The following SIK3 variants were observed in gnomAD, a reference collection of about 807,000 sequenced individuals.
SIK3 encodes the protein SIK family kinase 3.
A neutral mutation model predicts 144.2 loss-of-function variants in SIK3; 28 were observed. The observed-to-expected ratio is 0.19, with a 90% CI of 0.14 to 0.27. SIK3 has a LOEUF of 0.27. Ranked by LOEUF, SIK3 falls within the 10% of genes least tolerant of loss-of-function variation. The pLI is 1.00. For synonymous variants in SIK3, 686 were observed against 676.3 expected, an observed-to-expected ratio of 1.01 and a Z score of -0.22; for missense variants, 1,319 against 1,776.0, an observed-to-expected ratio of 0.74 and a Z score of 4.62.
chr11:117,095,147 A>T (rs1955418266), intron 1 of SIK3, among the ~76,000 whole-genome samples: 1 of 143,858 alleles, frequency 7.0e-6, no homozygotes, highest in Non-Finnish European at 1.5e-5. Context: ...TCAATAAATG[A>T]GGTTTACTTT....
intron 1 of SIK3, among the ~76,000 whole-genome samples, chr11:116,961,430 T>TA (rs993008693): frequency 1.3e-5 from 2 of 152,172 alleles, no homozygotes; most frequent in African/African-American, 4.8e-5. Flanking sequence ...TCTAAACAGA[T>TA]AAATGAGTAT....
intron 3 of SIK3, among the ~76,000 whole-genome samples, chr11:116,945,747 G>C (rs907590782): frequency 6.6e-6 from 1 of 151,998 alleles, no homozygotes. Flanking sequence ...ATTGAGCATT[G>C]GTGGTAGGGG....
At chr11:116,956,448 C>T (rs1423944902) in intron 2 of SIK3, among the ~76,000 whole-genome samples, 2 of 151,890 alleles carry the variant, frequency 1.3e-5, no homozygotes, top group Non-Finnish European at 2.9e-5. Flanking sequence ...GTCTACAATC[C>T]TATTAGAATA....
intron 1 of SIK3, among the ~76,000 whole-genome samples, chr11:116,959,597 C>T (rs1949268693): frequency 6.6e-6 from 1 of 152,136 alleles, no homozygotes; most frequent in Non-Finnish European, 1.5e-5. Context: ...TGCATTCTTT[C>T]ACCTCCAAGA....
chr11:116,990,619 CA>C (rs1472094753), intron 1 of SIK3, among the ~76,000 whole-genome samples: 1 of 152,170 alleles, frequency 6.6e-6, no homozygotes, highest in Non-Finnish European at 1.5e-5. Context: ...TATCTCCAAC[CA>C]GACAGCAATA....
At chr11:116,856,705 C>T (rs993804953) in intron 21 of SIK3, among the ~76,000 whole-genome samples, 1 of 152,170 alleles carries the variant, frequency 6.6e-6, no homozygotes, top group Non-Finnish European at 1.5e-5. Context: ...GGCAACAATT[C>T]CCCCCTAAGA....
chr11:116,946,983 C>T (rs1173763766), intron 3 of SIK3, among the ~76,000 whole-genome samples: 5 of 151,030 alleles, frequency 3.3e-5, no homozygotes, highest in African/African-American at 1.2e-4. Flanking sequence ...GGCATAGTGG[C>T]GAGTGCCTGT....
intron 1 of SIK3, among the ~76,000 whole-genome samples, chr11:117,065,093 G>A (rs1187269767): frequency 6.6e-6 from 1 of 151,806 alleles, no homozygotes; most frequent in African/African-American, 2.4e-5. Context: ...AGGTTGCAGC[G>A]AGCTGAGATT....
intron 1 of SIK3, among the ~76,000 whole-genome samples, chr11:117,081,581 GC>G (rs1455839531): frequency 6.6e-6 from 1 of 152,148 alleles, no homozygotes; most frequent in African/African-American, 2.4e-5. Context: ...CCGAGATGGC[GC>G]CACTGCACTC....
At chr11:117,012,186 C>T (rs1435437158) in intron 1 of SIK3, among the ~76,000 whole-genome samples, 3 of 152,134 alleles carry the variant, frequency 2.0e-5, no homozygotes, top group Non-Finnish European at 4.4e-5. Flanking sequence ...ATGTTGCAGG[C>T]TGGTCTCGAA....
rs369948602 is a variant in SIK3, at chr11:116,929,499, T to C, written c.455-2119A>G. 3.3e-5 allele frequency among the ~76,000 whole-genome samples: 5 copies of C among 150,622 alleles called. No individual in the cohort carries two copies. In the East Asian group the frequency reaches 9.6e-4, roughly 29 times the overall value. ...CTTTTATTAAGAAAGTCTTTATAAA[T>C]TTCTAAGTACCTTGTTTTCCTAAAG... On this transcript the variant is annotated intron_variant, in intron 3 of 24. Transcript: ENST00000445177.
At chr11:116,996,819 CAAAAAAAAAA>C (rs11329513) in intron 1 of SIK3, among the ~76,000 whole-genome samples, 18 of 58,410 alleles carry the variant, frequency 3.1e-4, no homozygotes, top group East Asian at 1.9e-3. Context: ...GACTCTCTCT[CAAAAAAAAAA>C]AAAAAAAAAA....
At chr11:116,983,150 C>A (rs1326086395) in intron 1 of SIK3, among the ~76,000 whole-genome samples, 1 of 151,234 alleles carries the variant, frequency 6.6e-6, no homozygotes, top group Non-Finnish European at 1.5e-5. Context: ...TGGCATAAAC[C>A]CGGGAGGCGG....
intron 21 of SIK3, among the ~76,000 whole-genome samples, chr11:116,856,108 A>C (rs986475556): frequency 2.0e-5 from 3 of 151,902 alleles, no homozygotes; most frequent in African/African-American, 7.3e-5. Flanking sequence ...GAGGCAGGAG[A>C]ATGGCGTGAG....
chr11:116,971,168 A>G (rs1448911235), intron 1 of SIK3, among the ~76,000 whole-genome samples: 3 of 152,252 alleles, frequency 2.0e-5, no homozygotes, highest in Non-Finnish European at 4.4e-5. Flanking sequence ...TGTTAAAACT[A>G]AGAACACTAA....
chr11:116,963,852 A>G (rs1949432633), intron 1 of SIK3, among the ~76,000 whole-genome samples: 1 of 152,226 alleles, frequency 6.6e-6, no homozygotes, highest in Non-Finnish European at 1.5e-5. Flanking sequence ...ATGAAAAAAC[A>G]TTTTTATTTA....
chr11:116,898,242 G>A (rs1945532781), intron 4 of SIK3, among the ~76,000 whole-genome samples: 2 of 151,000 alleles, frequency 1.3e-5, no homozygotes, highest in Admixed American at 6.6e-5. Context: ...TTTTGTTCTT[G>A]CGATAGTTTA....
At chr11:116,962,655 A>C (rs576439997) in intron 1 of SIK3, among the ~76,000 whole-genome samples, 1 of 152,286 alleles carries the variant, frequency 6.6e-6, no homozygotes, top group East Asian at 1.9e-4. Flanking sequence ...GCTCAGCTCT[A>C]CAACTATTTT....
intron 1 of SIK3, among the ~76,000 whole-genome samples, chr11:116,975,940 T>C (rs959076288): frequency 6.6e-6 from 1 of 152,242 alleles, no homozygotes; most frequent in Admixed American, 6.5e-5. Context: ...ATTGAGGATT[T>C]CATTTGCATT....
Sources: gnomAD v4.1 joint callset for allele counts (sites outside exome capture counted in the v4.1 genomes callset) on GRCh38, gnomAD v4.1.1 for gene constraint, MANE v1.5 for transcripts, NCBI Gene and HGNC (gene_info 2026-07-23, HGNC 2026-07-21) for gene names.